Variants in DIS3 observed in about 807,000 individuals in gnomAD.
DIS3 encodes DIS3 exosome endoribonuclease and 3'-5' exoribonuclease.
Under a neutral mutation model 113.0 loss-of-function variants are expected in DIS3, and 103 were observed. The ratio of observed to expected loss-of-function variants is 0.91; its 90% CI spans 0.78 to 1.07. The LOEUF (loss-of-function observed/expected upper bound fraction) is 1.07, where lower values mean the gene tolerates loss of function less well. DIS3 is among the 50% of genes least tolerant of loss of function. DIS3 has a pLI of 0.00. For missense variants in DIS3, 1,121 were observed against 1,167.1 expected (o/e 0.96, Z 0.58); for synonymous variants, 402 against 394.3 (o/e 1.02, Z -0.23).
chr13:72,755,307 T>C lies in DIS3; in HGVS notation c.*4488A>G. The C allele has an allele frequency of 1.9e-6, 2 of 1,080,956 alleles. No homozygotes were observed. The highest frequency in any genetic ancestry group is 2.8e-6 in the Non-Finnish European group (2 of 722,410). The allele number at this position is 1,080,956 out of a possible 1,614,324, so 67.0% of individuals were successfully genotyped here. The stretch of plus-strand genomic sequence containing the variant: ...CAACATGATGGTGACTGGGAAAAAA[T>C]TACTTCAAGTAACATGCTTAGCTTT... On this transcript the variant is annotated 3_prime_UTR_variant, in exon 21 of 21. Coordinates refer to ENST00000377767, the MANE Select transcript of DIS3 (RefSeq NM_014953.5).
chr13:72,777,134 T>C (rs1412323531), intron 4 of DIS3, among the ~76,000 whole-genome samples: 2 of 152,226 alleles, frequency 1.3e-5, no homozygotes, highest in Non-Finnish European at 2.9e-5. Flanking sequence ...CTACTCTTTA[T>C]TCACAAATCA....
At chr13:72,774,717 T>C (rs928969768) in intron 6 of DIS3, among the ~76,000 whole-genome samples, 2 of 152,112 alleles carry the variant, frequency 1.3e-5, no homozygotes, top group African/African-American at 4.8e-5. Flanking sequence ...AAATAGGCCA[T>C]ATCAAGTAGA....
Position 72,756,182 on chromosome 13 carries a change from G to GT in DIS3, c.*3612_*3613insA. The GT allele has an allele frequency of 2.8e-5, 1 of 35,916 alleles. No homozygotes were observed. 2.2% of individuals were successfully genotyped at this position (35,916 alleles called of 1,614,324 possible). A position where few individuals can be genotyped will look rare whatever the true frequency, so the allele number is the denominator to read the frequency against. On this transcript the variant is annotated 3_prime_UTR_variant, in exon 21 of 21. Transcript: ENST00000377767. ...ACTGTCTCATTCAAAAGGGAATAAA[G>GT]ACCTGTGTTATCAATGTGTCATTTT...
At position 72,759,602 on chromosome 13, in the gene DIS3, C is replaced by A; in HGVS notation, c.*193G>T. The A allele has an allele frequency of 7.8e-6, 4 of 513,312 alleles. No individual in the cohort carries two copies. The highest frequency in any genetic ancestry group is 2.6e-5 in the South Asian group (1 of 38,346). 31.8% of individuals were successfully genotyped at this position (513,312 alleles called of 1,614,324 possible). The stretch of plus-strand genomic sequence containing the variant: ...ATTGAATTATTCTGCATAAATAATT[C>A]TGTTCAACCCAGAAGTATAGTAGTA... On this transcript the variant is annotated 3_prime_UTR_variant, in exon 21 of 21. Transcript: ENST00000377767.
At chr13:72,781,195 C>T (rs2138253521) in intron 1 of DIS3, 192 bp from the exon 2 acceptor site, 2 of 1,479,922 alleles carry the variant, frequency 1.4e-6, no homozygotes, top group East Asian at 4.9e-5. Context: ...AAAAAAAGCA[C>T]ACTTAAACAG....
At chr13:72,772,592 G>T in intron 9 of DIS3, 101 bp downstream of exon 9, 1 of 1,236,704 alleles carries the variant, frequency 8.1e-7, no homozygotes, top group East Asian at 2.5e-5. Context: ...AGGAAAAGAG[G>T]GCCCGTGGTG....
At position 72,757,672 on chromosome 13, in the gene DIS3, C is replaced by T. The variant is rs1016404559; in HGVS notation, c.*2123G>A. On this transcript the variant is annotated 3_prime_UTR_variant, in exon 21 of 21. Coordinates refer to ENST00000377767, the MANE Select transcript of DIS3 (RefSeq NM_014953.5). The stretch of plus-strand genomic sequence containing the variant: ...AAACTCCTGACATCGAGTGATCCAC[C>T]CGCCTCGTCCTCCCAAAATGCTAGG... 16 of 176,684 alleles carry T rather than the reference C, an allele frequency of 9.1e-5. No individual in the cohort carries two copies. In the East Asian group the frequency reaches 1.6e-3, roughly 17 times the overall value. 10.9% of individuals were successfully genotyped at this position (176,684 alleles called of 1,614,324 possible).
In DIS3 at chr13:72,760,644, G is replaced by A. The variant is rs746804740; in HGVS notation, c.2678C>T (p.Ser893Leu). ...PQLIYDDEIP[S>L]LKIEDTVFHV... ...GAACACTGTATCTTCTATTTTAAGT[G>A]AGGGTATCTAAACAAAACACATTTT... Residue 893 changes from serine (S) to leucine (L), a missense_variant, in exon 20 of 21, where the codon TCA (serine) becomes TTA (leucine). Physicochemically the swap from Ser to Leu is moderately radical, Grantham distance 145. This residue lies in a region of DIS3 where 861 missense variants were observed against 915.5 expected (regional missense o/e 0.94). Coordinates refer to ENST00000377767, the MANE Select transcript of DIS3 (RefSeq NM_014953.5). 8.7e-6 allele frequency: 14 copies of A among 1,612,354 alleles called. No individual in the cohort carries two copies. In the South Asian group the frequency reaches 1.4e-4, roughly 16 times the overall value.
chr13:72,770,882 G>T (rs746599449), intron 13 of DIS3, 22 bp downstream of exon 13: 2 of 1,537,700 alleles, frequency 1.3e-6, no homozygotes, highest in South Asian at 2.5e-5. Flanking sequence ...AAAAATTAGA[G>T]ATTAATAGCC....
intron 9 of DIS3, 72 bp downstream of exon 9, chr13:72,772,621 C>T (rs980112422): frequency 4.7e-6 from 7 of 1,481,194 alleles, no homozygotes; most frequent in Non-Finnish European, 6.3e-6. Flanking sequence ...TTTAAAAACA[C>T]ATATAGAAAT....
chr13:72,771,296 G>C, intron 11 of DIS3, 151 bp from the exon 12 acceptor site: 2 of 673,976 alleles, frequency 3.0e-6, no homozygotes, highest in Non-Finnish European at 2.5e-6. Context: ...TCAAATAAAA[G>C]GTTTGTTTCT....
chr13:72,761,898 C>T (rs1428719540), intron 17 of DIS3, 25 bp downstream of exon 17: 1 of 1,613,332 alleles, frequency 6.2e-7, no homozygotes, highest in South Asian at 1.1e-5. Flanking sequence ...TTTCTATCTC[C>T]TTTAATTTCA....
In DIS3 at chr13:72,762,039, T is replaced by C. The variant is rs2033639235; in HGVS notation, c.2226A>G (p.Ile742Met). The change falls in exon 17 of 21, where the codon ATA becomes ATG. Residue 742 changes from isoleucine (I) to methionine (M), a missense_variant. Coordinates refer to ENST00000377767, the MANE Select transcript of DIS3 (RefSeq NM_014953.5). ...TFPYLNTLLR[I>M]LATRCMMQAV... ...CTTGCATCATACAGCGAGTGGCTAA[T>C]ATTCTCAACAGAGTGTTTAGATATG... 5.0e-6 allele frequency: 8 copies of C among 1,614,154 alleles called. No individual in the cohort carries two copies. The highest frequency in any genetic ancestry group is 6.8e-6 in the Non-Finnish European group (8 of 1,180,032).
intron 4 of DIS3, 100 bp from the exon 5 acceptor site, chr13:72,776,192 G>A: frequency 1.7e-6 from 2 of 1,148,372 alleles, no homozygotes; most frequent in Non-Finnish European, 2.4e-6. Context: ...TCTACATTAT[G>A]ATATACACAA....
At position 72,771,863 on chromosome 13, in the gene DIS3, T is replaced by A. The variant is rs745981410; in HGVS notation, c.1537A>T (p.Ile513Phe). ...TGATCCAAGGCATTTCCTGGCCTAA[T>A]AAAATGGCTCACATCAGCAATATGA... The part of the protein sequence containing the change: ...GVHIADVSHF[I>F]RPGNALDQES... The change falls in exon 11 of 21, where the codon ATT becomes TTT. Residue 513 changes from isoleucine to phenylalanine, a missense_variant. By Grantham distance (21) the Ile-to-Phe change is conservative. Around this residue, in one of 3 missense-constraint regions of DIS3, gnomAD observed 861 missense variants for 915.5 expected, o/e 0.94. Transcript: ENST00000377767. 1.9e-6 allele frequency: 3 copies of A among 1,613,770 alleles called. No homozygotes were observed. The highest frequency in any genetic ancestry group is 2.5e-6 in the Non-Finnish European group (3 of 1,179,892).
At position 72,762,033 on chromosome 13, in the gene DIS3, G is replaced by A; in HGVS notation, c.2232C>T (p.Ala744=). Residue 744 remains alanine, a synonymous_variant, in exon 17 of 21, where the codon GCC becomes GCT. Coordinates refer to ENST00000377767, the MANE Select transcript of DIS3 (RefSeq NM_014953.5). The part of the protein sequence containing the change: ...PYLNTLLRIL[A]TRCMMQAVYF... ...ACACAGCTTGCATCATACAGCGAGT[G>A]GCTAATATTCTCAACAGAGTGTTTA... 2 of 1,614,102 alleles carry A rather than the reference G, an allele frequency of 1.2e-6. No homozygotes were observed. Among genetic ancestry groups the A allele is most frequent in the South Asian group, 1.1e-5 (1 of 91,068 alleles).
chr13:72,763,085 T>C (rs896244721), intron 16 of DIS3, among the ~76,000 whole-genome samples: 1 of 151,844 alleles, frequency 6.6e-6, no homozygotes, highest in African/African-American at 2.4e-5. Flanking sequence ...ATTACTTGAG[T>C]CCAGGAGTTT....
At position 72,759,645 on chromosome 13, in the gene DIS3, T is replaced by C; in HGVS notation, c.*150A>G. Reference sequence around the variant, plus strand: ...TAGTAGTATGATGGGTCAGATACAGTCAACTGTTCAATAAAAATGCAGATG... The same window carrying C: ...TAGTAGTATGATGGGTCAGATACAGCCAACTGTTCAATAAAAATGCAGATG... On this transcript the variant is annotated 3_prime_UTR_variant, in exon 21 of 21. Coordinates refer to ENST00000377767, the MANE Select transcript of DIS3 (RefSeq NM_014953.5). 1.6e-6 allele frequency: 1 copy of C among 609,958 alleles called. No individual in the cohort carries two copies. Among genetic ancestry groups the C allele is most frequent in the South Asian group, 2.1e-5 (1 of 48,608 alleles). 37.8% of individuals were successfully genotyped at this position (609,958 alleles called of 1,614,324 possible).
In DIS3 at chr13:72,780,966, A is replaced by G. The variant is rs1478332508; in HGVS notation, c.266T>C (p.Ile89Thr). 17 of 1,612,096 alleles carry G rather than the reference A, an allele frequency of 1.1e-5. No individual in the cohort carries two copies. Among genetic ancestry groups the G allele is most frequent in the South Asian group, 2.2e-5 (2 of 90,476 alleles). Residue 89 changes from isoleucine (I) to threonine (T), a missense_variant, in exon 2 of 21, where the codon ATT (isoleucine) becomes ACT (threonine). Around this residue, in one of 3 missense-constraint regions of DIS3, gnomAD observed 254 missense variants for 232.2 expected, o/e 1.09. Transcript: ENST00000377767. ...TTCTTGAAGAACTGTTTGTAGCACA[A>G]TTACATTCCTGATGGCAGGGTCCTC... ...VLEDPAIRNV[I>T]VLQTVLQEVR...
Sources: allele counts gnomAD v4.1 joint callset (sites outside exome capture counted in the v4.1 genomes callset), GRCh38; gene constraint gnomAD v4.1.1; regional missense constraint gnomAD v4.1.1; transcripts MANE v1.5; gene names NCBI Gene and HGNC (gene_info 2026-07-23, HGNC 2026-07-21).